Variants in AP3B1 observed in about 807,000 individuals in gnomAD.
The protein encoded by AP3B1 is adaptor related protein complex 3 subunit beta 1, also known as AP-3 complex subunit beta-1.
Under a neutral mutation model 132.5 loss-of-function variants are expected in AP3B1, and 61 were observed. The ratio of observed to expected loss-of-function variants is 0.46; its 90% CI spans 0.37 to 0.57. The LOEUF (loss-of-function observed/expected upper bound fraction) is 0.57, where lower values mean the gene tolerates loss of function less well. AP3B1 is among the 20% of genes least tolerant of loss of function. The pLI is 0.00. For synonymous variants in AP3B1, 388 were observed against 438.3 expected, an observed-to-expected ratio of 0.89 and a Z score of 1.43; for missense variants, 1,120 against 1,289.4, an observed-to-expected ratio of 0.87 and a Z score of 2.01.
Position 78,290,126 on chromosome 5 carries a change from G to A in AP3B1, c.128+4326C>T, listed in dbSNP as rs140024409. 8.0e-3 allele frequency among the ~76,000 whole-genome samples: 1,225 copies of A among 152,300 alleles called. 5 individuals carry two copies. Among genetic ancestry groups the A allele is most frequent in the Non-Finnish European group, 0.013 (910 of 68,024 alleles). On this transcript the variant is annotated intron_variant, in intron 1 of 26. Coordinates refer to ENST00000255194, the MANE Select transcript of AP3B1 (RefSeq NM_003664.5). ...AAAGAGGCAAGTATTATCACATCCC[G>A]TCTAGAAATGAGGAAACTGAGGTTT...
At chr5:78,234,382 T>C (rs890143062) in intron 3 of AP3B1, among the ~76,000 whole-genome samples, 9 of 152,194 alleles carry the variant, frequency 5.9e-5, no homozygotes, top group Non-Finnish European at 1.3e-4. Context: ...TCAGATTATA[T>C]TTAAGTGTAA....
intron 7 of AP3B1, among the ~76,000 whole-genome samples, chr5:78,183,975 C>G (rs1033843145): frequency 6.6e-6 from 1 of 151,266 alleles, no homozygotes; most frequent in African/African-American, 2.4e-5. Context: ...AGAGACCAGC[C>G]TGGCCAACAT....
chr5:78,163,164 G>A (rs1477539331), intron 12 of AP3B1, among the ~76,000 whole-genome samples: 1 of 152,030 alleles, frequency 6.6e-6, no homozygotes, highest in Non-Finnish European at 1.5e-5. Flanking sequence ...ACATTTTCAA[G>A]CCAGGCTCAT....
intron 17 of AP3B1, among the ~76,000 whole-genome samples, chr5:78,121,365 G>C (rs1407620932): frequency 6.6e-6 from 1 of 152,042 alleles, no homozygotes; most frequent in Non-Finnish European, 1.5e-5. Context: ...GAAGGAAATA[G>C]AGACAGAAAA....
At chr5:78,290,683 A>G (rs10055479) in intron 1 of AP3B1, among the ~76,000 whole-genome samples, 35,154 of 152,110 alleles carry the variant, frequency 0.23, 4,656 homozygotes, top group Middle Eastern at 0.31. Context: ...GCACAGTGGT[A>G]CACGCCTCCA....
intron 20 of AP3B1, among the ~76,000 whole-genome samples, chr5:78,101,598 A>T (rs1045534093): frequency 6.6e-6 from 1 of 152,048 alleles, no homozygotes; most frequent in Non-Finnish European, 1.5e-5. Context: ...GAAAGGACTC[A>T]CTCACTTGAT....
chr5:78,228,667 C>A (rs1746498892), intron 3 of AP3B1, among the ~76,000 whole-genome samples: 1 of 152,168 alleles, frequency 6.6e-6, no homozygotes, highest in Non-Finnish European at 1.5e-5. Context: ...CTATCCTGGG[C>A]AACACAGAGA....
At chr5:78,181,961 C>T (rs1030894573) in intron 7 of AP3B1, among the ~76,000 whole-genome samples, 5 of 152,012 alleles carry the variant, frequency 3.3e-5, no homozygotes, top group South Asian at 2.1e-4. Context: ...AACACATGAC[C>T]GTTAGATTTT....
chr5:78,034,510 T>C (rs1365764569), intron 23 of AP3B1, 65 bp from the exon 24 acceptor site: 1 of 1,226,150 alleles, frequency 8.2e-7, no homozygotes, highest in Non-Finnish European at 1.2e-6. Flanking sequence ...AACTAAACAC[T>C]GAAAATTTAG....
intron 17 of AP3B1, among the ~76,000 whole-genome samples, chr5:78,117,104 C>T (rs187340384): frequency 4.1e-4 from 62 of 152,010 alleles, no homozygotes; most frequent in African/African-American, 1.3e-3. Context: ...CTCCAAACGT[C>T]CCAGGCATGC....
At chr5:78,046,273 C>T (rs915789617) in intron 22 of AP3B1, among the ~76,000 whole-genome samples, 1 of 152,196 alleles carries the variant, frequency 6.6e-6, no homozygotes, top group East Asian at 1.9e-4. Flanking sequence ...GTCAGATCAG[C>T]AGTGGCATTA....
At chr5:78,280,461 G>A (rs1301516252) in intron 1 of AP3B1, among the ~76,000 whole-genome samples, 6 of 152,126 alleles carry the variant, frequency 3.9e-5, no homozygotes, top group Admixed American at 2.6e-4. Context: ...ATGGCTCACT[G>A]CTATTGGCAT....
chr5:78,216,879 CA>C (rs1238159808), intron 6 of AP3B1, among the ~76,000 whole-genome samples: 1 of 152,042 alleles, frequency 6.6e-6, no homozygotes, highest in Non-Finnish European at 1.5e-5. Flanking sequence ...ATATTACTAA[CA>C]AAAGGGGGCT....
chr5:78,003,304 T>G (rs1018374134), intron 26 of AP3B1, among the ~76,000 whole-genome samples: 1 of 152,244 alleles, frequency 6.6e-6, no homozygotes, highest in Non-Finnish European at 1.5e-5. Context: ...TCTATTTTAC[T>G]TATTAGTTTA....
chr5:78,166,986 A>T (rs941060323), intron 11 of AP3B1, among the ~76,000 whole-genome samples: 4 of 152,252 alleles, frequency 2.6e-5, no homozygotes, highest in Non-Finnish European at 5.9e-5. Flanking sequence ...AAAAACAAAG[A>T]TAAATAGATG....
intron 1 of AP3B1, among the ~76,000 whole-genome samples, chr5:78,284,876 C>G (rs1284794207): frequency 6.6e-6 from 1 of 152,160 alleles, no homozygotes; most frequent in African/African-American, 2.4e-5. Flanking sequence ...TACAGTTTCT[C>G]CTACCTTAAG....
chr5:78,082,472 G>A lies in AP3B1; in HGVS notation c.2577+6921C>T, dbSNP rs139750525. On this transcript the variant is annotated intron_variant, in intron 22 of 26. Transcript: ENST00000255194. ...TACAGAATAGAATTCAAACATTTTC[G>A]GGATCATTATTTCATTTGATTTTCA... is the stretch of plus-strand genomic sequence containing the variant. 3.1e-3 allele frequency among the ~76,000 whole-genome samples: 468 copies of A among 152,150 alleles called. 2 individuals are homozygous for A. The highest frequency in any genetic ancestry group is 0.011 in the African/African-American group (445 of 41,484).
chr5:78,123,612 G>T (rs1331246463), intron 17 of AP3B1, among the ~76,000 whole-genome samples: 2 of 152,158 alleles, frequency 1.3e-5, no homozygotes, highest in Non-Finnish European at 2.9e-5. Flanking sequence ...CGTCATCACT[G>T]ACCATCAGAG....
chr5:78,065,735 C>T (rs934371412), intron 22 of AP3B1, among the ~76,000 whole-genome samples: 5 of 152,162 alleles, frequency 3.3e-5, no homozygotes, highest in African/African-American at 7.2e-5. Flanking sequence ...TCCTTCCCCT[C>T]GCTAGCTCTG....
Sources: gnomAD v4.1 joint callset for allele counts (sites outside exome capture counted in the v4.1 genomes callset) on GRCh38, gnomAD v4.1.1 for gene constraint, MANE v1.5 for transcripts, NCBI Gene and HGNC (gene_info 2026-07-23, HGNC 2026-07-21) for gene names.